Variants in SPATA6 observed in about 807,000 individuals in gnomAD.
The protein encoded by SPATA6 is spermatogenesis associated 6, also known as spermatogenesis-associated protein 6.
Under a neutral mutation model 65.3 loss-of-function variants are expected in SPATA6, and 56 were observed. The ratio of observed to expected loss-of-function variants is 0.86; its 90% CI spans 0.69 to 1.07. SPATA6 has a LOEUF of 1.07. Ranked by LOEUF, SPATA6 falls within the 50% of genes least tolerant of loss-of-function variation. The probability of loss-of-function intolerance (pLI) is 0.00; values close to 1 mark genes in which losing one functional copy is unlikely to be tolerated. For missense variants in SPATA6, 590 were observed against 594.8 expected (o/e 0.99, Z 0.08); for synonymous variants, 199 against 213.2 (o/e 0.93, Z 0.58).
chr1:48,344,008 T>C lies in SPATA6; in HGVS notation c.1194+11662A>G, dbSNP rs1055884677. 5.3e-5 allele frequency among the ~76,000 whole-genome samples: 8 copies of C among 152,128 alleles called. No individual in the cohort carries two copies. The South Asian group carries it at 1.2e-3, about 24-fold the overall frequency. ...AACAGGTAGTGCAAATAGAAAACAA[T>C]AGGTTTATACCCAAATATATCAGTA... is the stretch of plus-strand genomic sequence containing the variant. On this transcript the variant is annotated intron_variant, in intron 11 of 12. Coordinates refer to ENST00000371847, the MANE Select transcript of SPATA6 (RefSeq NM_019073.4).
rs573677210 is a variant in SPATA6 at position 48,444,129 on chromosome 1, G to A, written c.238+7423C>T. 5.3e-5 allele frequency among the ~76,000 whole-genome samples: 8 copies of A among 152,356 alleles called. 1 individual carries two copies. The South Asian group carries it at 1.7e-3, about 32-fold the overall frequency. ...AAGCCAGCTGGATTTCCTGGGTCAA[G>A]TGGGGACTTGGAGAACTTTTGTGTC... On this transcript the variant is annotated intron_variant, in intron 3 of 12. Transcript: ENST00000371847.
Position 48,303,046 on chromosome 1 carries a change from C to T in SPATA6, c.1286+2741G>A, listed in dbSNP as rs144815948. Among the ~76,000 whole-genome samples the T allele has an allele frequency of 7.2e-3, 1,102 of 152,078 alleles. 7 individuals carry two copies. Among genetic ancestry groups the T allele is most frequent in the Non-Finnish European group, 0.012 (791 of 67,972 alleles). On this transcript the variant is annotated intron_variant, in intron 12 of 12. Transcript: ENST00000371847. Reference sequence around the variant, plus strand: ...CTAGTAGAACTTTTGTGCCATGGAGCTGGGGAGTGGTAGACGGGGATGGAA... The same window carrying T: ...CTAGTAGAACTTTTGTGCCATGGAGTTGGGGAGTGGTAGACGGGGATGGAA...
intron 3 of SPATA6, among the ~76,000 whole-genome samples, chr1:48,425,511 A>G (rs1335732422): frequency 6.6e-6 from 1 of 152,200 alleles, no homozygotes; most frequent in African/African-American, 2.4e-5. Flanking sequence ...AGCTAAGGCA[A>G]TCTTCAAAAA....
intron 1 of SPATA6, among the ~76,000 whole-genome samples, chr1:48,469,921 C>G (rs1658108414): frequency 1.3e-5 from 2 of 151,546 alleles, no homozygotes; most frequent in African/African-American, 2.4e-5. Flanking sequence ...TGCTTCTAAA[C>G]AGTTGTGCAA....
intron 1 of SPATA6, among the ~76,000 whole-genome samples, chr1:48,464,852 G>A (rs1202911580): frequency 1.3e-5 from 2 of 152,126 alleles, no homozygotes; most frequent in East Asian, 1.9e-4. Flanking sequence ...ATACATTTAC[G>A]ATTTGTGTAC....
At chr1:48,433,089 A>G (rs1405095976) in intron 3 of SPATA6, among the ~76,000 whole-genome samples, 1 of 152,214 alleles carries the variant, frequency 6.6e-6, no homozygotes, top group Non-Finnish European at 1.5e-5. Flanking sequence ...ACTCAAAATC[A>G]TAGAGACAGA....
chr1:48,281,734 A>G, the SPATA6 span, among the ~76,000 whole-genome samples: 1 of 152,076 alleles, frequency 6.6e-6, no homozygotes, highest in Non-Finnish European at 1.5e-5. Flanking sequence ...AGGAAGAATC[A>G]ATATCGTGAA....
Position 48,459,221 on chromosome 1 carries a change from A to AG in SPATA6, c.52-6091_52-6090insC, listed in dbSNP as rs1352602153. Among the ~76,000 whole-genome samples the AG allele has an allele frequency of 2.4e-3, 364 of 151,270 alleles. 1 individual carries two copies. Among genetic ancestry groups the AG allele is most frequent in the African/African-American group, 7.4e-3 (304 of 41,236 alleles). On this transcript the variant is annotated intron_variant, in intron 1 of 12. Coordinates refer to ENST00000371847, the MANE Select transcript of SPATA6 (RefSeq NM_019073.4). ...CTCCATATCAAAAAAAAAAAAAAAA[A>AG]AAAAGAACGTTTCATGGGATGTGAA...
intron 3 of SPATA6, among the ~76,000 whole-genome samples, chr1:48,448,494 A>G (rs74858919): frequency 1.4e-5 from 1 of 72,748 alleles, no homozygotes; most frequent in South Asian, 5.0e-4. Context: ...CCCCACAGGA[A>G]AAAAAAAAAA....
At chr1:48,425,598 G>A (rs1653764286) in intron 3 of SPATA6, among the ~76,000 whole-genome samples, 1 of 152,118 alleles carries the variant, frequency 6.6e-6, no homozygotes, top group African/African-American at 2.4e-5. Flanking sequence ...TAATATTTAT[G>A]CAAGGATGGA....
At chr1:48,441,237 G>A (rs1210810081) in intron 3 of SPATA6, among the ~76,000 whole-genome samples, 1 of 152,160 alleles carries the variant, frequency 6.6e-6, no homozygotes, top group African/African-American at 2.4e-5. Context: ...ACTGAGCCCC[G>A]GGTATGTTTA....
intron 3 of SPATA6, among the ~76,000 whole-genome samples, chr1:48,439,419 G>A (rs1655250046): frequency 6.6e-6 from 1 of 151,660 alleles, no homozygotes; most frequent in East Asian, 1.9e-4. Context: ...TGCTGCGTCA[G>A]TGAGCGCAAC....
At chr1:48,293,472 C>T (rs1156803500), downstream of SPATA6, among the ~76,000 whole-genome samples, 2 of 152,138 alleles carry the variant, frequency 1.3e-5, no homozygotes, top group Non-Finnish European at 2.9e-5. Context: ...TCCTGGATGT[C>T]TATCAGATTG....
intron 11 of SPATA6, among the ~76,000 whole-genome samples, chr1:48,345,082 C>G (rs1646326593): frequency 6.6e-6 from 1 of 152,068 alleles, no homozygotes; most frequent in Non-Finnish European, 1.5e-5. Flanking sequence ...CTTCTCATCG[C>G]CACCTAGCAC....
chr1:48,368,132 C>G (rs1279002071), intron 9 of SPATA6, among the ~76,000 whole-genome samples: 1 of 152,224 alleles, frequency 6.6e-6, no homozygotes, highest in Non-Finnish European at 1.5e-5. Flanking sequence ...CCCCCACTCT[C>G]TCCTGGCTTG....
intron 11 of SPATA6, among the ~76,000 whole-genome samples, chr1:48,344,524 A>G (rs1443052227): frequency 6.6e-6 from 1 of 152,168 alleles, no homozygotes; most frequent in African/African-American, 2.4e-5. Flanking sequence ...AAATACACAC[A>G]TATAAACACT....
the SPATA6 span, among the ~76,000 whole-genome samples, chr1:48,277,508 C>T: frequency 5.9e-5 from 9 of 152,032 alleles, no homozygotes; most frequent in Admixed American, 2.6e-4. Context: ...GCTTAAAAAA[C>T]GGTGCACCAG....
In SPATA6 at chr1:48,399,393, C is replaced by T; in HGVS notation, c.738G>A (p.Glu246=). The change falls in exon 7 of 13, where the codon GAG becomes GAA. Residue 246 remains glutamate (E), a synonymous_variant. Coordinates refer to ENST00000371847, the MANE Select transcript of SPATA6 (RefSeq NM_019073.4). ...GAGGTTTATCTGTTTCTTTTTTGAA[C>T]TCATAGGGTCCCAGATTTAAATGGG... is the stretch of plus-strand genomic sequence containing the variant. ...RLAHLNLGPY[E]FKKETDKPPF... 1.2e-6 allele frequency: 2 copies of T among 1,612,894 alleles called. No individual in the cohort carries two copies. Among genetic ancestry groups the T allele is most frequent in the Non-Finnish European group, 1.7e-6 (2 of 1,179,318 alleles).
At chr1:48,277,037 T>G in the SPATA6 span, among the ~76,000 whole-genome samples, 6 of 151,880 alleles carry the variant, frequency 4.0e-5, no homozygotes, top group East Asian at 9.7e-4. Context: ...ATATTTAAGA[T>G]AGTTAACTCT....
Sources: gnomAD v4.1 joint callset for allele counts (sites outside exome capture counted in the v4.1 genomes callset) on GRCh38, gnomAD v4.1.1 for gene constraint, MANE v1.5 for transcripts, NCBI Gene and HGNC (gene_info 2026-07-23, HGNC 2026-07-21) for gene names.